Variants in SLC25A12 observed in about 807,000 individuals in gnomAD.
SLC25A12 encodes electrogenic aspartate/glutamate antiporter SLC25A12, mitochondrial.
A neutral mutation model predicts 83.3 loss-of-function variants in SLC25A12; 32 were observed. The observed-to-expected ratio is 0.38, with a 90% confidence interval of 0.29 to 0.52. The LOEUF (loss-of-function observed/expected upper bound fraction) is 0.52, where lower values mean the gene tolerates loss of function less well. SLC25A12 is among the 20% of genes least tolerant of loss of function. The pLI is 0.84. For synonymous variants in SLC25A12, 267 were observed against 291.1 expected (o/e 0.92, Z 0.84); for missense variants, 611 against 835.6 (o/e 0.73, Z 3.31).
intron 8 of SLC25A12, among the ~76,000 whole-genome samples, chr2:171,832,782 C>A (rs1465289022): frequency 1.3e-5 from 2 of 152,224 alleles, no homozygotes; most frequent in African/African-American, 2.4e-5. Flanking sequence ...ATCAAACAGA[C>A]TCCTTGGCAG....
chr2:171,868,966 C>T (rs959775599), intron 2 of SLC25A12, 143 bp from the exon 3 acceptor site: 8 of 737,278 alleles, frequency 1.1e-5, no homozygotes, highest in Admixed American at 2.5e-5. Context: ...CTCTGGATAC[C>T]GAAAAATCAA....
In SLC25A12 at chr2:171,813,505, C is replaced by G; in HGVS notation, c.1013-8G>C. 1 of 1,613,794 alleles carries G rather than the reference C, an allele frequency of 6.2e-7. No individual in the cohort carries two copies. Among genetic ancestry groups the G allele is most frequent in the Middle Eastern group, 1.7e-4 (1 of 6,054 alleles). On this transcript the variant is annotated splice_region_variant and splice_polypyrimidine_tract_variant and intron_variant, in intron 10 of 17. Coordinates refer to ENST00000422440, the MANE Select transcript of SLC25A12 (RefSeq NM_003705.5). ...CTGCAGTGGCTCCCACAGCTACAAA[C>G]AGAACAATTTTTAGGCTTAAAAAAG...
chr2:171,862,810 G>A (rs1477043171), intron 3 of SLC25A12, among the ~76,000 whole-genome samples: 1 of 152,212 alleles, frequency 6.6e-6, no homozygotes. Context: ...TTTGGAGCAG[G>A]AAACAACGTA....
At chr2:171,866,570 G>A (rs1485722636) in intron 3 of SLC25A12, among the ~76,000 whole-genome samples, 2 of 132,846 alleles carry the variant, frequency 1.5e-5, no homozygotes, top group African/African-American at 2.8e-5. Context: ...CGAACCGGGC[G>A]GCTGGCCGGG....
intron 3 of SLC25A12, among the ~76,000 whole-genome samples, chr2:171,866,271 T>C (rs1685296847): frequency 4.2e-5 from 6 of 143,572 alleles, no homozygotes; most frequent in African/African-American, 1.3e-4. Context: ...TTTCTCAATC[T>C]TTTCCCCACC....
intron 7 of SLC25A12, chr2:171,834,382 G>A (rs967898961): frequency 2.3e-6 from 1 of 427,772 alleles, no homozygotes; most frequent in Non-Finnish European, 4.2e-6. Flanking sequence ...GTGTTCTCCA[G>A]TCATTCAAAA....
chr2:171,879,282 C>A (rs527337823), intron 2 of SLC25A12, among the ~76,000 whole-genome samples: 7 of 152,094 alleles, frequency 4.6e-5, no homozygotes, highest in Non-Finnish European at 1.0e-4. Context: ...AGAAACAAAA[C>A]CTTTTACTGA....
chr2:171,805,416 G>T (rs1328792895), intron 13 of SLC25A12, among the ~76,000 whole-genome samples: 1 of 152,140 alleles, frequency 6.6e-6, no homozygotes, highest in Non-Finnish European at 1.5e-5. Context: ...CGGCCTAAAG[G>T]TGGTATTTTT....
chr2:171,855,014 C>A (rs377109153), intron 4 of SLC25A12, among the ~76,000 whole-genome samples: 1 of 152,254 alleles, frequency 6.6e-6, no homozygotes, highest in African/African-American at 2.4e-5. Context: ...CATTTAAAAT[C>A]ATTAAGATAG....
In SLC25A12 at chr2:171,787,577, C is replaced by T. The variant is rs772825491; in HGVS notation, c.1829G>A (p.Gly610Glu). Residue 610 changes from glycine to glutamate, a missense_variant, in exon 17 of 18, where the codon GGA becomes GAA. Around this residue, in one of 3 missense-constraint regions of SLC25A12, gnomAD observed 540 missense variants for 777.5 expected, o/e 0.69. Coordinates refer to ENST00000422440, the MANE Select transcript of SLC25A12 (RefSeq NM_003705.5). ...AGTTGAGCAGCTGACTTACAGGCCT[C>T]CAAAATCAATGTAAAACCACCGCTG... Reference protein sequence around the residue: ...LLQRWFYIDFGGLKPAGSEPT... With the variant: ...LLQRWFYIDFEGLKPAGSEPT... 2 of 1,613,088 alleles carry T rather than the reference C, an allele frequency of 1.2e-6. No homozygotes were observed. The highest frequency in any genetic ancestry group is 1.7e-6 in the Non-Finnish European group (2 of 1,179,218).
chr2:171,783,996 G>A lies in SLC25A12; in HGVS notation c.*1278C>T, dbSNP rs1182317424. On this transcript the variant is annotated 3_prime_UTR_variant, in exon 18 of 18. Coordinates refer to ENST00000422440, the MANE Select transcript of SLC25A12 (RefSeq NM_003705.5). ...TGGCAGTAGCAATAATGTCTTCCCAGAGCACTTTGGTAAGGTAAATAAATT... is the reference window on the plus strand; with the variant it reads ...TGGCAGTAGCAATAATGTCTTCCCAAAGCACTTTGGTAAGGTAAATAAATT... Among the ~76,000 whole-genome samples the A allele has an allele frequency of 1.3e-5, 2 of 152,162 alleles. No individual in the cohort carries two copies. The highest frequency in any genetic ancestry group is 2.9e-5 in the Non-Finnish European group (2 of 68,034).
At chr2:171,791,644 C>A in intron 14 of SLC25A12, 55 bp from the exon 15 acceptor site, 1 of 1,528,852 alleles carries the variant, frequency 6.5e-7, no homozygotes, top group Non-Finnish European at 9.1e-7. Flanking sequence ...TGTGAATGCC[C>A]AAATGGGATC....
At chr2:171,792,734 A>T (rs559639191) in intron 14 of SLC25A12, among the ~76,000 whole-genome samples, 1 of 152,102 alleles carries the variant, frequency 6.6e-6, no homozygotes, top group Non-Finnish European at 1.5e-5. Context: ...GGAAATTGGG[A>T]GTGGGGAGGA....
At chr2:171,878,563 C>G (rs144659784) in intron 2 of SLC25A12, among the ~76,000 whole-genome samples, 1 of 152,124 alleles carries the variant, frequency 6.6e-6, no homozygotes, top group Non-Finnish European at 1.5e-5. Flanking sequence ...GGGCTTACCA[C>G]GAGATCGGTC....
rs529909091 is a variant in SLC25A12, at chr2:171,813,904, G to A, written c.1013-407C>T. Among the ~76,000 whole-genome samples, 10 of 152,098 alleles carry A rather than the reference G, an allele frequency of 6.6e-5. No homozygotes were observed. In the East Asian group the frequency reaches 1.2e-3, roughly 18 times the overall value. On this transcript the variant is annotated intron_variant, in intron 10 of 17. Transcript: ENST00000422440. ...GTTACTTCTTAAAATGACTATATCC[G>A]TACACTAGGTGGCTACGATTTTAAA...
chr2:171,889,555 A>C (rs747209074), intron 2 of SLC25A12, among the ~76,000 whole-genome samples: 2 of 152,172 alleles, frequency 1.3e-5, no homozygotes, highest in African/African-American at 2.4e-5. Flanking sequence ...CAATTTGCCT[A>C]CTCAGAAACC....
intron 13 of SLC25A12, among the ~76,000 whole-genome samples, chr2:171,807,856 C>A (rs765187774): frequency 1.6e-4 from 25 of 152,328 alleles, no homozygotes; most frequent in South Asian, 1.5e-3. Context: ...GGCACACACA[C>A]ACCCACACAG....
rs757005451 is a variant in SLC25A12 at position 171,834,916 on chromosome 2, C to T, written c.613-51G>A. 23 of 1,571,522 alleles carry T rather than the reference C, an allele frequency of 1.5e-5. 1 individual carries two copies. The highest frequency in any genetic ancestry group is 4.6e-5 in the East Asian group (2 of 43,138). On this transcript the variant is annotated intron_variant, in intron 6 of 17. Transcript: ENST00000422440. ...TAAAAAACAAACAAAAACAAAAACA[C>T]GTTTATGGACACTGTACTTTTCTCA...
At chr2:171,874,596 A>G (rs910392068) in intron 2 of SLC25A12, among the ~76,000 whole-genome samples, 10 of 152,170 alleles carry the variant, frequency 6.6e-5, no homozygotes, top group African/African-American at 2.4e-4. Flanking sequence ...CTATTCTCTA[A>G]TATCTGAATT....
Sources: gnomAD v4.1 joint callset for allele counts (sites outside exome capture counted in the v4.1 genomes callset) on GRCh38, gnomAD v4.1.1 for gene constraint, gnomAD v4.1.1 regional missense constraint, MANE v1.5 for transcripts, NCBI Gene and HGNC (gene_info 2026-07-23, HGNC 2026-07-21) for gene names.